EIF4EBP1: variants seen among roughly 807,000 people sequenced by gnomAD.
The protein encoded by EIF4EBP1 is eukaryotic translation initiation factor 4E binding protein 1.
In EIF4EBP1, 5 loss-of-function variants were observed where a neutral mutation model predicts 9.2. That is an observed-to-expected ratio of 0.54 (90% CI 0.28 to 1.14). EIF4EBP1 has a LOEUF of 1.14. EIF4EBP1 is among the 50% of genes most tolerant of loss of function. The probability of loss-of-function intolerance (pLI) is 0.09; values close to 1 mark genes in which losing one functional copy is unlikely to be tolerated. For missense variants in EIF4EBP1, 139 were observed against 169.6 expected (o/e 0.82, Z 1.00); for synonymous variants, 62 against 67.0 (o/e 0.93, Z 0.36).
At chr8:38,050,689 T>TG (rs1809508541) in intron 1 of EIF4EBP1, among the ~76,000 whole-genome samples, 1 of 152,040 alleles carries the variant, frequency 6.6e-6, no homozygotes. Context: ...TATAGCTCAC[T>TG]GCAGCCTCAA....
rs111437737 is a variant in EIF4EBP1, at chr8:38,048,272, CA to C, written c.146-8796del. Among the ~76,000 whole-genome samples, 1,240 of 135,546 alleles carry C rather than the reference CA, an allele frequency of 9.1e-3. 19 individuals carry two copies. Among genetic ancestry groups the C allele is most frequent in the African/African-American group, 0.028 (1,058 of 37,292 alleles). 88.9% of individuals were successfully genotyped at this position (135,546 alleles called of 152,430 possible). ...TGAGTGACAGAGCAAGACCCTGTTTCAAAAAAAAAAAAATTTAAACTAAAAT... is the reference window on the plus strand; with the variant it reads ...TGAGTGACAGAGCAAGACCCTGTTTCAAAAAAAAAAAATTTAAACTAAAAT... On this transcript the variant is annotated intron_variant, in intron 1 of 2. Transcript: ENST00000338825.
At chr8:38,049,174 T>C (rs917954296) in intron 1 of EIF4EBP1, among the ~76,000 whole-genome samples, 25 of 151,844 alleles carry the variant, frequency 1.6e-4, no homozygotes, top group Non-Finnish European at 2.5e-4. Context: ...ATCTCTGTTA[T>C]ACTTTTACTT....
At chr8:38,059,145 T>C (rs1371241325) in intron 2 of EIF4EBP1, among the ~76,000 whole-genome samples, 1 of 152,162 alleles carries the variant, frequency 6.6e-6, no homozygotes, top group Non-Finnish European at 1.5e-5. Flanking sequence ...TATTTGTCCC[T>C]GCCCAAATCT....
In EIF4EBP1 at chr8:38,060,217, G is replaced by A. The variant is rs1199054375; in HGVS notation, c.*282G>A. The stretch of plus-strand genomic sequence containing the variant: ...CAAGGGCCAGGAAGTGGACAAGAAC[G>A]AACCCTTCCTTCCGAATGATCAGCA... On this transcript the variant is annotated 3_prime_UTR_variant, in exon 3 of 3. Coordinates refer to ENST00000338825, the MANE Select transcript of EIF4EBP1 (RefSeq NM_004095.4). 9.6e-6 allele frequency: 5 copies of A among 521,488 alleles called. No homozygotes were observed. The highest frequency in any genetic ancestry group is 2.3e-5 in the South Asian group (1 of 43,118). 32.3% of individuals were successfully genotyped at this position (521,488 alleles called of 1,614,324 possible).
intron 1 of EIF4EBP1, among the ~76,000 whole-genome samples, chr8:38,053,414 G>A (rs1378694391): frequency 6.6e-6 from 1 of 151,476 alleles, no homozygotes. Context: ...GCGCAGTGGC[G>A]CCATCTCAGC....
intron 1 of EIF4EBP1, among the ~76,000 whole-genome samples, chr8:38,034,544 A>G (rs929744880): frequency 6.6e-6 from 1 of 152,224 alleles, no homozygotes; most frequent in African/African-American, 2.4e-5. Flanking sequence ...TGGGTCAGAA[A>G]GAAACTTTCC....
chr8:38,055,387 T>C (rs1363077753), intron 1 of EIF4EBP1, among the ~76,000 whole-genome samples: 19 of 152,170 alleles, frequency 1.2e-4, no homozygotes, highest in Admixed American at 1.2e-3. Flanking sequence ...GTTGGAATGC[T>C]ACTCATCATA....
At chr8:38,059,703 C>T (rs1809644048) in intron 2 of EIF4EBP1, among the ~76,000 whole-genome samples, 1 of 151,454 alleles carries the variant, frequency 6.6e-6, no homozygotes, top group Non-Finnish European at 1.5e-5. Context: ...TTGCAGTGAG[C>T]CGAAATTGGG....
At chr8:38,050,496 T>G (rs1809504732) in intron 1 of EIF4EBP1, among the ~76,000 whole-genome samples, 1 of 151,790 alleles carries the variant, frequency 6.6e-6, no homozygotes, top group Admixed American at 6.6e-5. Flanking sequence ...ACTACAGACG[T>G]GTGCCACCAC....
intron 1 of EIF4EBP1, among the ~76,000 whole-genome samples, chr8:38,046,988 T>C (rs548852442): frequency 6.6e-6 from 1 of 152,288 alleles, no homozygotes; most frequent in Non-Finnish European, 1.5e-5. Context: ...GTTTCCCTGC[T>C]CTGCATCTCT....
intron 1 of EIF4EBP1, among the ~76,000 whole-genome samples, chr8:38,048,237 C>T (rs1248880405): frequency 6.6e-6 from 1 of 151,560 alleles, no homozygotes; most frequent in Admixed American, 6.6e-5. Flanking sequence ...GGCACCACTG[C>T]ACTCCAGCCT....
chr8:38,045,595 C>G (rs1809439270), intron 1 of EIF4EBP1, among the ~76,000 whole-genome samples: 1 of 151,312 alleles, frequency 6.6e-6, no homozygotes, highest in African/African-American at 2.4e-5. Context: ...GTCCCAGCTA[C>G]TTGGGAGGCT....
chr8:38,036,119 C>T (rs1809298811), intron 1 of EIF4EBP1, among the ~76,000 whole-genome samples: 1 of 152,288 alleles, frequency 6.6e-6, no homozygotes, highest in East Asian at 1.9e-4. Flanking sequence ...AATTCTCCTG[C>T]CTCGGCCTCC....
chr8:38,033,458 C>A (rs936248873), intron 1 of EIF4EBP1, among the ~76,000 whole-genome samples: 1 of 151,584 alleles, frequency 6.6e-6, no homozygotes, highest in African/African-American at 2.4e-5. Context: ...CTTCCCTCAC[C>A]TTTCAGATCT....
At chr8:38,040,866 CTGTTGT>C (rs3067026) in intron 1 of EIF4EBP1, among the ~76,000 whole-genome samples, 63 of 151,458 alleles carry the variant, frequency 4.2e-4, no homozygotes, top group Non-Finnish European at 6.0e-4. Flanking sequence ...AAATACATGC[CTGTTGT>C]TGTTGTTGTT....
chr8:38,046,007 A>C (rs1190958715), intron 1 of EIF4EBP1, among the ~76,000 whole-genome samples: 1 of 151,976 alleles, frequency 6.6e-6, no homozygotes, highest in Admixed American at 6.6e-5. Context: ...GGTTCAAGCA[A>C]TCCTCCTGCC....
intron 1 of EIF4EBP1, among the ~76,000 whole-genome samples, chr8:38,039,126 A>G (rs922358897): frequency 2.0e-5 from 3 of 152,060 alleles, no homozygotes; most frequent in African/African-American, 7.2e-5. Context: ...TCCCAAGCTC[A>G]GGTGATCCGC....
intron 1 of EIF4EBP1, among the ~76,000 whole-genome samples, chr8:38,049,450 CT>C (rs1809489249): frequency 1.3e-5 from 2 of 149,972 alleles, no homozygotes; most frequent in South Asian, 4.2e-4. Context: ...TTCAAGACAT[CT>C]CTTTCAATTC....
intron 1 of EIF4EBP1, among the ~76,000 whole-genome samples, chr8:38,048,239 C>T (rs781152061): frequency 6.6e-6 from 1 of 151,652 alleles, no homozygotes; most frequent in Non-Finnish European, 1.5e-5. Flanking sequence ...CACCACTGCA[C>T]TCCAGCCTGA....
Sources: gnomAD v4.1 joint callset for allele counts (sites outside exome capture counted in the v4.1 genomes callset) on GRCh38, gnomAD v4.1.1 for gene constraint, MANE v1.5 for transcripts, NCBI Gene and HGNC (gene_info 2026-07-23, HGNC 2026-07-21) for gene names.